CDT1: variants seen among roughly 807,000 people sequenced by gnomAD.
CDT1 encodes chromatin licensing and DNA replication factor 1.
A neutral mutation model predicts 49.3 loss-of-function variants in CDT1; 66 were observed. The observed-to-expected ratio is 1.34, with a 90% CI of 1.10 to 1.64. The LOEUF (loss-of-function observed/expected upper bound fraction) is 1.64, where lower values mean the gene tolerates loss of function less well. Among genes scored for constraint, CDT1 ranks in the 40% most tolerant of loss-of-function variants. The pLI is 0.00. For missense variants in CDT1, 958 were observed against 807.7 expected, an observed-to-expected ratio of 1.19 and a Z score of -2.26; for synonymous variants, 424 against 347.4, an observed-to-expected ratio of 1.22 and a Z score of -2.45.
In CDT1 at chr16:88,807,441, G is replaced by T. The variant is rs758810157; in HGVS notation, c.1436G>T (p.Cys479Phe). ...CCTGCGCTCAGCATGGAGGTGGCCT[G>T]TGCCAGGATGGTGGGCAGCTGTTGT... ...RKPALSMEVA[C>F]ARMVGSCCTI... Residue 479 changes from cysteine to phenylalanine, a missense_variant, in exon 9 of 10, where the codon TGT (cysteine) becomes TTT (phenylalanine). Transcript: ENST00000301019. 1 of 1,613,092 alleles carries T rather than the reference G, an allele frequency of 6.2e-7. No individual in the cohort carries two copies. Among genetic ancestry groups the T allele is most frequent in the African/African-American group, 1.3e-5 (1 of 74,952 alleles).
chr16:88,808,503 T>G lies in CDT1; in HGVS notation c.*225T>G. The G allele has an allele frequency of 5.2e-6, 3 of 577,324 alleles. No individual in the cohort carries two copies. The highest frequency in any genetic ancestry group is 3.1e-6 in the Non-Finnish European group (1 of 326,204). 35.8% of individuals were successfully genotyped at this position (577,324 alleles called of 1,614,324 possible). ...GGTGGATTCACATTAAACCGGTTTC[T>G]GTGGGCACCTCTGTCCTTGCTGCTG... On this transcript the variant is annotated 3_prime_UTR_variant, in exon 10 of 10. Transcript: ENST00000301019.
In CDT1 at chr16:88,807,329, C is replaced by T; in HGVS notation, c.1324C>T (p.Pro442Ser). The T allele has an allele frequency of 1.2e-6, 2 of 1,612,618 alleles. No individual in the cohort carries two copies. The highest frequency in any genetic ancestry group is 1.7e-6 in the Non-Finnish European group (2 of 1,179,954). ...QKQLAQMTRC[P>S]EQEQRLQRLE... ...GCAGCTGGCACAGATGACGCGGTGC[C>T]CGGAGCAGGAGCAGCGGCTGCAGCG... is the stretch of plus-strand genomic sequence containing the variant. Residue 442 changes from proline to serine, a missense_variant, in exon 9 of 10, where the codon CCG becomes TCG. By Grantham distance (74) the Pro-to-Ser change is moderately conservative. Coordinates refer to ENST00000301019, the MANE Select transcript of CDT1 (RefSeq NM_030928.4).
chr16:88,807,622 G>C lies in CDT1; in HGVS notation c.1477+140G>C. 3 of 882,770 alleles carry C rather than the reference G, an allele frequency of 3.4e-6. 1 individual carries two copies. The highest frequency in any genetic ancestry group is 3.2e-5 in the South Asian group (2 of 62,070). 54.7% of individuals were successfully genotyped at this position (882,770 alleles called of 1,614,324 possible). On this transcript the variant is annotated intron_variant, in intron 9 of 9. Transcript: ENST00000301019. ...CAGTGGGCGCTGGCCTCTTGCACTG[G>C]TGTGTCCTGGGCGCTCTGCCCTCCT...
rs769002955 is a variant in CDT1, at chr16:88,807,397, CTT to C, written c.1394_1395del (p.Phe465CysfsTer78). 3.1e-6 allele frequency: 5 copies of C among 1,612,882 alleles called. No individual in the cohort carries two copies. Among genetic ancestry groups the C allele is most frequent in the East Asian group, 2.2e-5 (1 of 44,886 alleles). ...PELARVLRSV[F>X]VSERKPALSM... ...AGCTGGCCCGCGTGCTGCGGAGCGTCTTTGTGTCCGAACGCAAGCCTGCGCTC... is the reference window on the plus strand; with the variant it reads ...AGCTGGCCCGCGTGCTGCGGAGCGTCTGTGTCCGAACGCAAGCCTGCGCTC... On this transcript the variant is annotated frameshift_variant, in exon 9 of 10. Transcript: ENST00000301019. LOFTEE classifies it high-confidence loss of function.
In CDT1 at chr16:88,808,167, C is replaced by T. The variant is rs767986419; in HGVS notation, c.1530C>T (p.Leu510=). ...LLLSELLPDW[L]SLHRIRTDTY... ...TCTCCGAGCTGCTGCCGGACTGGCTCAGCCTCCACCGCATCCGCACCGACA... is the reference window on the plus strand; with the variant it reads ...TCTCCGAGCTGCTGCCGGACTGGCTTAGCCTCCACCGCATCCGCACCGACA... Residue 510 remains leucine, a synonymous_variant, in exon 10 of 10, where the codon CTC becomes CTT. Coordinates refer to ENST00000301019, the MANE Select transcript of CDT1 (RefSeq NM_030928.4). 11 of 1,612,842 alleles carry T rather than the reference C, an allele frequency of 6.8e-6. No individual in the cohort carries two copies. The highest frequency in any genetic ancestry group is 8.5e-6 in the Non-Finnish European group (10 of 1,179,960).
At position 88,808,501 on chromosome 16, in the gene CDT1, T is replaced by G; in HGVS notation, c.*223T>G. The stretch of plus-strand genomic sequence containing the variant: ...CTGGTGGATTCACATTAAACCGGTT[T>G]CTGTGGGCACCTCTGTCCTTGCTGC... On this transcript the variant is annotated 3_prime_UTR_variant, in exon 10 of 10. Transcript: ENST00000301019. 2 of 583,598 alleles carry G rather than the reference T, an allele frequency of 3.4e-6. No individual in the cohort carries two copies. The highest frequency in any genetic ancestry group is 3.0e-6 in the Non-Finnish European group (1 of 330,474). The allele number at this position is 583,598 out of a possible 1,614,324, so 36.2% of individuals were successfully genotyped here.
rs766569567 is a variant in CDT1, at chr16:88,808,111, C to A, written c.1478-4C>A. ...AGCCTCAGTGTCCTCCTCTCCTCCCCCAGGGGAAATGGAGAAGCACCTGCT... is the reference window on the plus strand; with the variant it reads ...AGCCTCAGTGTCCTCCTCTCCTCCCACAGGGGAAATGGAGAAGCACCTGCT... On this transcript the variant is annotated splice_region_variant and splice_polypyrimidine_tract_variant and intron_variant, in intron 9 of 9. Transcript: ENST00000301019. 7.4e-6 allele frequency: 12 copies of A among 1,612,118 alleles called. No individual in the cohort carries two copies. Among genetic ancestry groups the A allele is most frequent in the Non-Finnish European group, 1.0e-5 (12 of 1,179,706 alleles).
chr16:88,807,930 G>A (rs1043544663), intron 9 of CDT1, among the ~76,000 whole-genome samples, 185 bp from the exon 10 acceptor site: 9 of 152,156 alleles, frequency 5.9e-5, no homozygotes, highest in Admixed American at 4.6e-4. Flanking sequence ...GGCTCTCTCC[G>A]GTCACTGTTC....
In CDT1 at chr16:88,804,675, G is replaced by A; in HGVS notation, c.351+8G>A. ...ACATCCGCGCAGGACCAGGTGAGGG[G>A]CGGGGCCTGGGGCAGATGCGGGAGG... On this transcript the variant is annotated splice_region_variant and intron_variant, in intron 2 of 9. Coordinates refer to ENST00000301019, the MANE Select transcript of CDT1 (RefSeq NM_030928.4). 2 of 1,612,388 alleles carry A rather than the reference G, an allele frequency of 1.2e-6. No individual in the cohort carries two copies. The highest frequency in any genetic ancestry group is 1.1e-5 in the South Asian group (1 of 91,040).
chr16:88,806,860 T>C (rs1908876103), intron 7 of CDT1, among the ~76,000 whole-genome samples, 186 bp downstream of exon 7: 1 of 152,262 alleles, frequency 6.6e-6, no homozygotes, highest in Admixed American at 6.5e-5. Flanking sequence ...AGCCTGGCTC[T>C]GCCACTAGCC....
chr16:88,807,661 G>A (rs999038778), intron 9 of CDT1, among the ~76,000 whole-genome samples, 179 bp downstream of exon 9: 2 of 152,150 alleles, frequency 1.3e-5, no homozygotes, highest in Admixed American at 1.3e-4. Flanking sequence ...AGCCACCCCT[G>A]AGCCTCCGCC....
At chr16:88,806,351 A>G (rs950969648) in intron 6 of CDT1, 135 bp from the exon 7 acceptor site, 1 of 1,180,378 alleles carries the variant, frequency 8.5e-7, no homozygotes, top group South Asian at 1.3e-5. Flanking sequence ...CTCTCCCTCC[A>G]AGCTGAGCAC....
intron 6 of CDT1, 111 bp downstream of exon 6, chr16:88,806,232 C>A (rs1168962250): frequency 1.1e-5 from 13 of 1,158,264 alleles, no homozygotes; most frequent in Middle Eastern, 1.9e-4. Context: ...CGGGATGGAA[C>A]TGGGCTGGGT....
Position 88,804,027 on chromosome 16 carries a change from G to C in CDT1, c.196G>C (p.Ala66Pro). ...APGRDQARPP[A>P]RRRLRLSVDE... is the part of the protein sequence containing the mutation. ...CGGACGCGACCAGGCCAGGCCACCGGCCCGCAGGAGACTGCGGCTGTCGGT... is the reference window on the plus strand; with the variant it reads ...CGGACGCGACCAGGCCAGGCCACCGCCCCGCAGGAGACTGCGGCTGTCGGT... Residue 66 changes from alanine (A) to proline (P), a missense_variant, in exon 1 of 10, where the codon GCC becomes CCC. Coordinates refer to ENST00000301019, the MANE Select transcript of CDT1 (RefSeq NM_030928.4). 6.9e-7 allele frequency: 1 copy of C among 1,458,218 alleles called. No individual in the cohort carries two copies. Among genetic ancestry groups the C allele is most frequent in the Non-Finnish European group, 9.0e-7 (1 of 1,112,116 alleles). 90.3% of individuals were successfully genotyped at this position (1,458,218 alleles called of 1,614,324 possible). A position where few individuals can be genotyped will look rare whatever the true frequency, so the allele number is the denominator to read the frequency against.
chr16:88,807,573 A>T, intron 9 of CDT1, 91 bp downstream of exon 9: 1 of 1,246,628 alleles, frequency 8.0e-7, no homozygotes. Flanking sequence ...GGTGTCTGTC[A>T]CTGATCTGTT....
At position 88,805,561 on chromosome 16, in the gene CDT1, G is replaced by A. The variant is rs773495319; in HGVS notation, c.610G>A (p.Val204Met). Residue 204 changes from valine to methionine, a missense_variant, in exon 4 of 10, where the codon GTG becomes ATG. Coordinates refer to ENST00000301019, the MANE Select transcript of CDT1 (RefSeq NM_030928.4). ...GATGTTCCGCAGCATGGACACCATC[G>A]TGGGCATGCTCCACAACCGCTCCGA... ...AEMFRSMDTI[V>M]GMLHNRSETP... The A allele has an allele frequency of 2.5e-6, 4 of 1,612,770 alleles. No individual in the cohort carries two copies. Among genetic ancestry groups the A allele is most frequent in the Middle Eastern group, 1.6e-4 (1 of 6,084 alleles).
rs1156943864 is a variant in CDT1 at position 88,806,562 on chromosome 16, T to C, written c.1010T>C (p.Val337Ala). The C allele has an allele frequency of 6.8e-6, 11 of 1,609,526 alleles. No individual in the cohort carries two copies. The highest frequency in any genetic ancestry group is 9.3e-6 in the Non-Finnish European group (11 of 1,178,738). The change falls in exon 7 of 10, where the codon GTG (valine) becomes GCG (alanine). Residue 337 changes from valine to alanine, a missense_variant. By Grantham distance (64) the Val-to-Ala change is moderately conservative. Coordinates refer to ENST00000301019, the MANE Select transcript of CDT1 (RefSeq NM_030928.4). Reference protein sequence around the residue: ...QLTRWHPRFNVDEVPDIEPAA... With the variant: ...QLTRWHPRFNADEVPDIEPAA... ...ACCCGCTGGCACCCGCGCTTCAACGTGGATGAAGTACCCGACATCGAGCCG... is the reference window on the plus strand; with the variant it reads ...ACCCGCTGGCACCCGCGCTTCAACGCGGATGAAGTACCCGACATCGAGCCG...
chr16:88,804,206 G>T, intron 1 of CDT1, 147 bp downstream of exon 1: 1 of 664,978 alleles, frequency 1.5e-6, no homozygotes, highest in Admixed American at 3.8e-5. Flanking sequence ...GGGACAGGCC[G>T]GGGGATCCTG....
intron 3 of CDT1, 64 bp from the exon 4 acceptor site, chr16:88,805,376 C>T (rs1908810083): frequency 6.3e-7 from 1 of 1,587,152 alleles, no homozygotes. Context: ...GGCCGAGGGG[C>T]CTGCTGTGGC....
Sources: allele counts gnomAD v4.1 joint callset (sites outside exome capture counted in the v4.1 genomes callset), GRCh38; gene constraint gnomAD v4.1.1; transcripts MANE v1.5; gene names NCBI Gene and HGNC (gene_info 2026-07-23, HGNC 2026-07-21).